The following CHMP1A variants were observed in gnomAD, a reference collection of about 807,000 sequenced individuals.
CHMP1A encodes the protein charged multivesicular body protein 1A, also known as VPS46 homolog A.
CHMP1A carries 17 observed loss-of-function variants against 27.0 expected under a neutral mutation model. The ratio of observed to expected loss-of-function variants is 0.63; its 90% CI spans 0.43 to 0.95. CHMP1A has a LOEUF of 0.95. Among genes scored for constraint, CHMP1A ranks in the 40% least tolerant of loss-of-function variants. The pLI is 0.00. For missense variants in CHMP1A, 275 were observed against 264.0 expected (o/e 1.04, Z -0.29); for synonymous variants, 131 against 107.5 (o/e 1.22, Z -1.35).
intron 2 of CHMP1A, among the ~76,000 whole-genome samples, chr16:89,652,146 G>A (rs1457299986): frequency 4.6e-5 from 7 of 152,312 alleles, no homozygotes; most frequent in East Asian, 1.9e-4. Context: ...AGCAGCTTCC[G>A]GGGATCTAAC....
intron 1 of CHMP1A, among the ~76,000 whole-genome samples, chr16:89,656,534 G>C (rs1367068471): frequency 3.9e-5 from 6 of 152,314 alleles, no homozygotes; most frequent in Middle Eastern, 3.4e-3. Flanking sequence ...CTGTTCTTTG[G>C]TATCCCTGAG....
At chr16:89,652,651 C>T (rs972302429) in intron 2 of CHMP1A, among the ~76,000 whole-genome samples, 3 of 152,270 alleles carry the variant, frequency 2.0e-5, no homozygotes, top group Admixed American at 1.3e-4. Context: ...GTAGCCCTGG[C>T]CACCACAGCA....
chr16:89,648,780 A>G (rs2059800731), intron 4 of CHMP1A, among the ~76,000 whole-genome samples: 1 of 100,328 alleles, frequency 1.0e-5, no homozygotes, highest in South Asian at 4.0e-4. Flanking sequence ...GGTCTCAGCT[A>G]CTTGGGAGGC....
intron 1 of CHMP1A, 129 bp from the exon 2 acceptor site, chr16:89,654,052 G>A: frequency 2.1e-6 from 2 of 967,972 alleles, no homozygotes; most frequent in East Asian, 2.5e-5. Context: ...CACCTGCCTG[G>A]GGCCTTCGGG....
At chr16:89,653,879 G>A in intron 2 of CHMP1A, 25 bp downstream of exon 2, 1 of 1,611,284 alleles carries the variant, frequency 6.2e-7, no homozygotes, top group East Asian at 2.2e-5. Flanking sequence ...AACAGGGCTG[G>A]GGTGAACGGC....
intron 1 of CHMP1A, among the ~76,000 whole-genome samples, chr16:89,654,490 G>A (rs1197197674): frequency 1.3e-5 from 2 of 152,050 alleles, no homozygotes; most frequent in African/African-American, 4.8e-5. Context: ...AAATAGCAAG[G>A]TGGTAACTCT....
intron 1 of CHMP1A, 32 bp from the exon 2 acceptor site, chr16:89,653,955 G>A (rs1009205296): frequency 3.7e-6 from 6 of 1,611,398 alleles, no homozygotes; most frequent in Non-Finnish European, 5.1e-6. Context: ...ATGGTTTGAG[G>A]ATTGGGAATG....
chr16:89,654,463 C>T (rs1251173459), intron 1 of CHMP1A, among the ~76,000 whole-genome samples: 2 of 151,978 alleles, frequency 1.3e-5, no homozygotes, highest in Non-Finnish European at 2.9e-5. Context: ...TCTTTCTCCT[C>T]AAAGGTAAAT....
Position 89,657,490 on chromosome 16 carries a change from G to A in CHMP1A, c.7+92C>T. On this transcript the variant is annotated intron_variant, in intron 1 of 6. Transcript: ENST00000397901. ...CGAGGCCCGAGCTCTCCTGAGTCCT[G>A]CCCGCGGCCCCAGGTGGGCGGAGCC... 13 of 1,522,374 alleles carry A rather than the reference G, an allele frequency of 8.5e-6. No homozygotes were observed. The South Asian group carries it at 1.2e-4, about 14-fold the overall frequency. The allele number at this position is 1,522,374 out of a possible 1,614,324, so 94.3% of individuals were successfully genotyped here. A position where few individuals can be genotyped will look rare whatever the true frequency, so the allele number is the denominator to read the frequency against.
intron 1 of CHMP1A, among the ~76,000 whole-genome samples, chr16:89,656,963 A>T (rs1184186576): frequency 2.2e-5 from 3 of 136,912 alleles, no homozygotes; most frequent in East Asian, 2.4e-4. Context: ...TCCCGGGTCC[A>T]TGGTTGGGGG....
In CHMP1A at chr16:89,654,110, C is replaced by G. The variant is rs369689406; in HGVS notation, c.8-187G>C. Among the ~76,000 whole-genome samples the G allele has an allele frequency of 3.0e-3, 451 of 152,328 alleles. 2 individuals are homozygous for G. Among genetic ancestry groups the G allele is most frequent in the African/African-American group, 0.01 (434 of 41,580 alleles). ...CACGAGACAGATTCGTGTGCCAGCC[C>G]TGGCTCCTTGCTAGCCACAGGGCCC... On this transcript the variant is annotated intron_variant, in intron 1 of 6. Coordinates refer to ENST00000397901, the MANE Select transcript of CHMP1A (RefSeq NM_002768.5).
Position 89,649,475 on chromosome 16 carries a change from T to G in CHMP1A, c.128A>C (p.Glu43Ala). ...VKKALLQKNV[E>A]CARVYAENAI... Reference sequence around the variant, plus strand: ...GTTCTCGGCATACACACGGGCACACTCTACATTTTTCTGCAGAAGGGCCTG... The same window carrying G: ...GTTCTCGGCATACACACGGGCACACGCTACATTTTTCTGCAGAAGGGCCTG... The change falls in exon 4 of 7, where the codon GAG (glutamate) becomes GCG (alanine). Residue 43 changes from glutamate to alanine, a missense_variant. Transcript: ENST00000397901. 2 of 1,613,698 alleles carry G rather than the reference T, an allele frequency of 1.2e-6. No homozygotes were observed. The highest frequency in any genetic ancestry group is 1.7e-6 in the Non-Finnish European group (2 of 1,179,868).
At chr16:89,652,772 G>A (rs1434333657) in intron 2 of CHMP1A, among the ~76,000 whole-genome samples, 2 of 152,062 alleles carry the variant, frequency 1.3e-5, no homozygotes, top group Non-Finnish European at 2.9e-5. Flanking sequence ...CGGTAGCTCC[G>A]GCACATCACT....
chr16:89,656,505 T>G (rs1044075688), intron 1 of CHMP1A, among the ~76,000 whole-genome samples: 5 of 152,214 alleles, frequency 3.3e-5, no homozygotes, highest in African/African-American at 1.2e-4. Context: ...ACATAGGACT[T>G]CATTTTGCCA....
intron 1 of CHMP1A, 37 bp downstream of exon 1, chr16:89,657,545 G>A (rs1473393462): frequency 2.5e-6 from 4 of 1,608,866 alleles, no homozygotes; most frequent in South Asian, 1.1e-5. Flanking sequence ...GCCCCGCCCC[G>A]CGCGCGAGTC....
intron 1 of CHMP1A, among the ~76,000 whole-genome samples, chr16:89,654,663 C>A (rs2059850493): frequency 6.6e-6 from 1 of 151,494 alleles, no homozygotes; most frequent in Admixed American, 6.6e-5. Context: ...TATTTTTTTG[C>A]CGGGTGCGGT....
intron 1 of CHMP1A, among the ~76,000 whole-genome samples, chr16:89,654,426 G>A (rs2059848245): frequency 1.3e-5 from 2 of 152,062 alleles, no homozygotes; most frequent in Admixed American, 1.3e-4. Context: ...TAAAAGTTCA[G>A]TACTTGACAG....
chr16:89,656,800 C>T (rs1329047364), intron 1 of CHMP1A, among the ~76,000 whole-genome samples: 3 of 152,134 alleles, frequency 2.0e-5, no homozygotes, highest in African/African-American at 7.2e-5. Flanking sequence ...TTCCAAGTCC[C>T]GAAAGGCCGA....
intron 6 of CHMP1A, 68 bp downstream of exon 6, chr16:89,646,459 C>G: frequency 6.9e-7 from 1 of 1,448,860 alleles, no homozygotes; most frequent in Non-Finnish European, 9.3e-7. Flanking sequence ...TAACCCACAA[C>G]CCTCTCTCCC....
Sources: gnomAD v4.1 joint callset for allele counts (sites outside exome capture counted in the v4.1 genomes callset) on GRCh38, gnomAD v4.1.1 for gene constraint, MANE v1.5 for transcripts, NCBI Gene and HGNC (gene_info 2026-07-23, HGNC 2026-07-21) for gene names.